TACR1: variants seen among roughly 807,000 people sequenced by gnomAD.
The protein encoded by TACR1 is tachykinin receptor 1.
A neutral mutation model predicts 35.8 loss-of-function variants in TACR1; 25 were observed. The observed-to-expected ratio is 0.70, with a 90% CI of 0.51 to 0.98. The LOEUF is 0.98. TACR1 is among the 50% of genes least tolerant of loss of function. TACR1 has a pLI of 0.00. For missense variants in TACR1, 478 were observed against 522.9 expected (o/e 0.91, Z 0.84); for synonymous variants, 195 against 206.7 (o/e 0.94, Z 0.48).
At chr2:75,172,284 C>A (rs1385684688) in intron 1 of TACR1, among the ~76,000 whole-genome samples, 2 of 152,150 alleles carry the variant, frequency 1.3e-5, no homozygotes, top group Non-Finnish European at 2.9e-5. Context: ...GGAAGGCACC[C>A]TGAACAGCCC....
At chr2:75,164,180 AGCCAGGCGTGGTG>A (rs1675081995) in intron 1 of TACR1, among the ~76,000 whole-genome samples, 1 of 152,070 alleles carries the variant, frequency 6.6e-6, no homozygotes, top group Non-Finnish European at 1.5e-5. Context: ...ACAAAATATT[AGCCAGGCGTGGTG>A]GCGGGCACCT....
rs562007120 is a variant in TACR1, at chr2:75,130,914, C to T, written c.390-10146G>A. Among the ~76,000 whole-genome samples, 22 of 152,334 alleles carry T rather than the reference C, an allele frequency of 1.4e-4. 3 individuals carry two copies. The South Asian group carries it at 4.6e-3, about 32-fold the overall frequency. On this transcript the variant is annotated intron_variant, in intron 1 of 4. Coordinates refer to ENST00000305249, the MANE Select transcript of TACR1 (RefSeq NM_001058.4). ...AATGACCGTTGTTCTAAATTAACTT[C>T]ACTCTTTTTCAATTCCAATGTTTCT... is the stretch of plus-strand genomic sequence containing the variant.
intron 1 of TACR1, among the ~76,000 whole-genome samples, chr2:75,127,300 A>T (rs1237284055): frequency 2.0e-5 from 3 of 152,230 alleles, no homozygotes; most frequent in Non-Finnish European, 2.9e-5. Context: ...TCACAAAGCT[A>T]TAACCAAAGA....
intron 2 of TACR1, among the ~76,000 whole-genome samples, chr2:75,082,068 C>A (rs535097445): frequency 1.3e-5 from 2 of 152,016 alleles, no homozygotes; most frequent in Admixed American, 1.3e-4. Context: ...TATCCCTCCC[C>A]ACTCCCCGCA....
intron 2 of TACR1, among the ~76,000 whole-genome samples, chr2:75,094,010 G>T (rs1324960263): frequency 6.6e-6 from 1 of 152,074 alleles, no homozygotes; most frequent in African/African-American, 2.4e-5. Flanking sequence ...CTGAGTCTTT[G>T]AACTCTGAAC....
chr2:75,174,287 C>T (rs1675360994), intron 1 of TACR1, among the ~76,000 whole-genome samples: 1 of 152,210 alleles, frequency 6.6e-6, no homozygotes, highest in East Asian at 1.9e-4. Context: ...TCTCCTCTTA[C>T]CTGCAGGGGT....
At chr2:75,121,723 C>G (rs1280934721) in intron 1 of TACR1, among the ~76,000 whole-genome samples, 2 of 152,182 alleles carry the variant, frequency 1.3e-5, no homozygotes, top group African/African-American at 4.8e-5. Flanking sequence ...AGCTCTATAC[C>G]TTAAAATAAG....
chr2:75,101,508 A>G (rs1301712319), intron 2 of TACR1, among the ~76,000 whole-genome samples: 2 of 152,138 alleles, frequency 1.3e-5, no homozygotes, highest in Non-Finnish European at 2.9e-5. Context: ...AGAGGAGTAA[A>G]AAGTAACTTG....
At chr2:75,115,508 A>G (rs1051229493) in intron 2 of TACR1, among the ~76,000 whole-genome samples, 5 of 152,210 alleles carry the variant, frequency 3.3e-5, no homozygotes, top group African/African-American at 7.2e-5. Flanking sequence ...AATGTTATGC[A>G]TGGTGGCACT....
At chr2:75,176,120 A>G (rs1450245394) in intron 1 of TACR1, among the ~76,000 whole-genome samples, 2 of 151,876 alleles carry the variant, frequency 1.3e-5, no homozygotes, top group East Asian at 3.8e-4. Context: ...TAAGCCTAGC[A>G]GATTCATCCT....
At chr2:75,064,831 C>A (rs553374645) in intron 2 of TACR1, among the ~76,000 whole-genome samples, 3 of 152,316 alleles carry the variant, frequency 2.0e-5, no homozygotes, top group Admixed American at 6.5e-5. Flanking sequence ...GAGAGTGACT[C>A]TTTCCCAGAG....
intron 2 of TACR1, among the ~76,000 whole-genome samples, chr2:75,069,540 C>G (rs1040683745): frequency 6.7e-6 from 1 of 148,968 alleles, no homozygotes; most frequent in Non-Finnish European, 1.5e-5. Flanking sequence ...AACTGAAAGT[C>G]CACACTTTAC....
At chr2:75,064,287 T>C (rs1344941106) in intron 2 of TACR1, among the ~76,000 whole-genome samples, 2 of 152,164 alleles carry the variant, frequency 1.3e-5, no homozygotes, top group African/African-American at 4.8e-5. Context: ...AAGTGGCTGA[T>C]AGTCCTGCCT....
At chr2:75,063,763 G>A (rs1018107662) in intron 2 of TACR1, among the ~76,000 whole-genome samples, 7 of 152,132 alleles carry the variant, frequency 4.6e-5, no homozygotes, top group Admixed American at 2.0e-4. Context: ...AAACCGACCT[G>A]GATTACTCTG....
chr2:75,136,842 C>T (rs1401621679), intron 1 of TACR1, among the ~76,000 whole-genome samples: 1 of 152,220 alleles, frequency 6.6e-6, no homozygotes. Flanking sequence ...GATGGTGTAT[C>T]AGGCCACATT....
In TACR1 at chr2:75,053,688, C is replaced by G; in HGVS notation, c.652G>C (p.Val218Leu). The stretch of plus-strand genomic sequence containing the variant: ...CTGGCCCATAGTGTGATTCCCACTA[C>G]GGTGTATGCATAGCCAATCACCAGC... ...PLLVIGYAYT[V>L]VGITLWASEI... Residue 218 changes from valine to leucine, a missense_variant, in exon 3 of 5, where the codon GTA becomes CTA. Transcript: ENST00000305249. 2 of 1,613,386 alleles carry G rather than the reference C, an allele frequency of 1.2e-6. No individual in the cohort carries two copies. The highest frequency in any genetic ancestry group is 1.7e-6 in the Non-Finnish European group (2 of 1,179,706).
At chr2:75,124,458 C>T (rs779547275) in intron 1 of TACR1, among the ~76,000 whole-genome samples, 3 of 152,206 alleles carry the variant, frequency 2.0e-5, no homozygotes, top group Non-Finnish European at 4.4e-5. Context: ...GCCCTCACTT[C>T]TCCCACTCAC....
intron 2 of TACR1, among the ~76,000 whole-genome samples, chr2:75,099,828 TC>T (rs1448531283): frequency 1.3e-5 from 2 of 152,204 alleles, no homozygotes; most frequent in Admixed American, 6.5e-5. Flanking sequence ...AGGTGATTAA[TC>T]TGTCCCCAAG....
At chr2:75,176,376 C>G (rs1014091969) in intron 1 of TACR1, among the ~76,000 whole-genome samples, 1 of 151,082 alleles carries the variant, frequency 6.6e-6, no homozygotes, top group Non-Finnish European at 1.5e-5. Context: ...ATCTCAGATT[C>G]CAGGTTCCTC....
Sources: gnomAD v4.1 joint callset for allele counts (sites outside exome capture counted in the v4.1 genomes callset) on GRCh38, gnomAD v4.1.1 for gene constraint, MANE v1.5 for transcripts, NCBI Gene and HGNC (gene_info 2026-07-23, HGNC 2026-07-21) for gene names.